RUNDC3B: variants seen among roughly 807,000 people sequenced by gnomAD.
RUNDC3B encodes the protein RUN domain containing 3B, also known as RUN domain-containing protein 3B.
A neutral mutation model predicts 58.4 loss-of-function variants in RUNDC3B; 33 were observed. That is an observed-to-expected ratio of 0.56 (90% CI 0.43 to 0.75). The LOEUF is 0.75. Among genes scored for constraint, RUNDC3B ranks in the 30% least tolerant of loss-of-function variants. RUNDC3B has a pLI of 0.00. For synonymous variants in RUNDC3B, 193 were observed against 195.2 expected, an observed-to-expected ratio of 0.99 and a Z score of 0.10; for missense variants, 501 against 535.7, an observed-to-expected ratio of 0.94 and a Z score of 0.64.
chr7:87,774,967 T>C (rs1410701019), intron 7 of RUNDC3B, among the ~76,000 whole-genome samples: 4 of 152,240 alleles, frequency 2.6e-5, no homozygotes, highest in Admixed American at 2.6e-4. Context: ...ATGGAAAGTA[T>C]ACAATACTTG....
At chr7:87,688,093 T>C (rs1435938752) in intron 2 of RUNDC3B, among the ~76,000 whole-genome samples, 1 of 152,158 alleles carries the variant, frequency 6.6e-6, no homozygotes, top group Non-Finnish European at 1.5e-5. Context: ...GTTTGGCTTT[T>C]AGACAATGGG....
At chr7:87,754,701 G>A (rs1359653211) in intron 6 of RUNDC3B, among the ~76,000 whole-genome samples, 1 of 151,950 alleles carries the variant, frequency 6.6e-6, no homozygotes. Flanking sequence ...GACTAATAAA[G>A]AAGAAAAGAG....
chr7:87,694,100 G>GT (rs36014243), intron 2 of RUNDC3B: 113,467 of 1,095,340 alleles, frequency 0.1, 2 homozygotes, highest in South Asian at 0.13. Context: ...GTGTGTTTTT[G>GT]TTTTTTTTTT....
chr7:87,821,507 CA>C (rs1285557776), intron 10 of RUNDC3B, among the ~76,000 whole-genome samples: 4 of 152,162 alleles, frequency 2.6e-5, no homozygotes, highest in Non-Finnish European at 4.4e-5. Flanking sequence ...ATCAAGCTAC[CA>C]ATGACTTTCT....
At chr7:87,702,162 A>AAAC (rs1554470424) in intron 3 of RUNDC3B, among the ~76,000 whole-genome samples, 17 of 150,114 alleles carry the variant, frequency 1.1e-4, no homozygotes, top group African/African-American at 2.0e-4. Flanking sequence ...AAAAAAAAAA[A>AAAC]AAAAAAAAAA....
intron 8 of RUNDC3B, among the ~76,000 whole-genome samples, chr7:87,785,983 C>T (rs377092106): frequency 1.3e-5 from 2 of 152,268 alleles, no homozygotes; most frequent in South Asian, 4.1e-4. Context: ...GAGAGCTGGT[C>T]CTTGTGCTAA....
chr7:87,824,656 T>C (rs1837699993), intron 10 of RUNDC3B, among the ~76,000 whole-genome samples: 1 of 152,030 alleles, frequency 6.6e-6, no homozygotes, highest in Non-Finnish European at 1.5e-5. Context: ...GACAGGAAAA[T>C]GTGGGAAAGT....
At chr7:87,706,959 TG>T (rs749049667) in intron 3 of RUNDC3B, among the ~76,000 whole-genome samples, 5 of 152,210 alleles carry the variant, frequency 3.3e-5, no homozygotes, top group African/African-American at 4.8e-5. Flanking sequence ...GCAAGCAAGG[TG>T]AAGGGGAACT....
chr7:87,650,539 C>G (rs1823472894), intron 1 of RUNDC3B, among the ~76,000 whole-genome samples: 1 of 152,032 alleles, frequency 6.6e-6, no homozygotes. Context: ...CCCAAAGGCA[C>G]CCACCCTTAA....
rs527435246 is a variant in RUNDC3B, at chr7:87,773,180, G to A, written c.798+2431G>A. 4.9e-3 allele frequency among the ~76,000 whole-genome samples: 747 copies of A among 151,980 alleles called. 7 individuals carry two copies. The highest frequency in any genetic ancestry group is 0.017 in the African/African-American group (713 of 41,470). ...CTACTAAAAATACAAAAAATTAGCC[G>A]GGCATGGTGGCGGGCACCTGTAGTC... is the stretch of plus-strand genomic sequence containing the variant. On this transcript the variant is annotated intron_variant, in intron 7 of 10. Coordinates refer to ENST00000394654, the MANE Select transcript of RUNDC3B (RefSeq NM_001134405.2).
intron 7 of RUNDC3B, among the ~76,000 whole-genome samples, chr7:87,775,545 A>G (rs893625412): frequency 6.6e-6 from 1 of 152,206 alleles, no homozygotes; most frequent in South Asian, 2.1e-4. Context: ...GTGTTTATAA[A>G]GTCTACAGTA....
At chr7:87,681,032 T>C (rs1826879548) in intron 2 of RUNDC3B, among the ~76,000 whole-genome samples, 1 of 150,432 alleles carries the variant, frequency 6.6e-6, no homozygotes, top group African/African-American at 2.5e-5. Flanking sequence ...ATATCAGGAA[T>C]GAAAGAGGGC....
intron 4 of RUNDC3B, among the ~76,000 whole-genome samples, chr7:87,717,529 T>C (rs568360712): frequency 1.3e-5 from 2 of 152,200 alleles, no homozygotes; most frequent in South Asian, 4.1e-4. Flanking sequence ...ACCATTGACA[T>C]GACATATGAT....
At position 87,628,681 on chromosome 7, in the gene RUNDC3B, T is replaced by G. The variant is rs1820863807; in HGVS notation, c.-143T>G. 1 of 464,516 alleles carries G rather than the reference T, an allele frequency of 2.2e-6. No homozygotes were observed. The highest frequency in any genetic ancestry group is 3.4e-6 in the Non-Finnish European group (1 of 293,264). The allele number at this position is 464,516 out of a possible 1,614,324, so 28.8% of individuals were successfully genotyped here. ...CCCCGGGTGCGAGTCCCTGCTGTCT[T>G]CCACACCCTTCCTCCCTCCAGGCTC... On this transcript the variant is annotated 5_prime_UTR_variant, in exon 1 of 11. Coordinates refer to ENST00000394654, the MANE Select transcript of RUNDC3B (RefSeq NM_001134405.2).
intron 6 of RUNDC3B, among the ~76,000 whole-genome samples, chr7:87,751,642 A>G (rs1410029637): frequency 6.6e-6 from 1 of 152,020 alleles, no homozygotes; most frequent in Non-Finnish European, 1.5e-5. Flanking sequence ...CTTTGAAGCA[A>G]TTGTGAATGG....
intron 2 of RUNDC3B, among the ~76,000 whole-genome samples, chr7:87,678,556 A>T (rs1342750698): frequency 2.0e-5 from 3 of 152,202 alleles, no homozygotes. Context: ...AAAGGGATAA[A>T]CAGAAAACAA....
intron 8 of RUNDC3B, among the ~76,000 whole-genome samples, chr7:87,786,534 G>A (rs1055196236): frequency 1.3e-5 from 2 of 151,386 alleles, no homozygotes; most frequent in African/African-American, 2.4e-5. Context: ...AATATCAAGA[G>A]CCAAACAGTA....
intron 8 of RUNDC3B, among the ~76,000 whole-genome samples, chr7:87,785,718 C>G (rs1162692303): frequency 1.3e-5 from 2 of 152,150 alleles, no homozygotes; most frequent in African/African-American, 2.4e-5. Flanking sequence ...AGTAGGGGCT[C>G]CAGTCACTCA....
At chr7:87,691,732 CCTTCTTT>C (rs1242186946) in intron 2 of RUNDC3B, among the ~76,000 whole-genome samples, 1 of 152,084 alleles carries the variant, frequency 6.6e-6, no homozygotes, top group Non-Finnish European at 1.5e-5. Flanking sequence ...TGTTTTTCCC[CCTTCTTT>C]CTGGGGTTGT....
Sources: gnomAD v4.1 joint callset for allele counts (sites outside exome capture counted in the v4.1 genomes callset) on GRCh38, gnomAD v4.1.1 for gene constraint, MANE v1.5 for transcripts, NCBI Gene and HGNC (gene_info 2026-07-23, HGNC 2026-07-21) for gene names.